Variants in ATP2B4 observed in about 807,000 individuals in gnomAD.
The protein encoded by ATP2B4 is plasma membrane calcium-transporting ATPase 4.
A neutral mutation model predicts 110.3 loss-of-function variants in ATP2B4; 39 were observed. The ratio of observed to expected loss-of-function variants is 0.35; its 90% CI spans 0.27 to 0.46. ATP2B4 has a LOEUF of 0.46. Ranked by LOEUF, ATP2B4 falls within the 20% of genes least tolerant of loss-of-function variation. ATP2B4 has a pLI of 1.00. For missense variants in ATP2B4, 1,135 were observed against 1,530.9 expected, an observed-to-expected ratio of 0.74 and a Z score of 4.32; for synonymous variants, 538 against 571.7, an observed-to-expected ratio of 0.94 and a Z score of 0.84.
At chr1:203,644,881 G>A (rs1663746325) in intron 1 of ATP2B4, among the ~76,000 whole-genome samples, 1 of 152,162 alleles carries the variant, frequency 6.6e-6, no homozygotes, top group Non-Finnish European at 1.5e-5. Flanking sequence ...AGCTTGTGCG[G>A]CTCCCTGCAG....
chr1:203,714,079 G>A lies in ATP2B4; in HGVS notation c.2300-92G>A, dbSNP rs917607222. Reference sequence around the variant, plus strand: ...AACTTCTAGGAAAGGGAAAAGGGAAGGAAAGAAGAAAGTAGAAGGAGTGGC... The same window carrying A: ...AACTTCTAGGAAAGGGAAAAGGGAAAGAAAGAAGAAAGTAGAAGGAGTGGC... On this transcript the variant is annotated intron_variant, in intron 14 of 20. Coordinates refer to ENST00000357681, the MANE Select transcript of ATP2B4 (RefSeq NM_001684.5). 4.0e-6 allele frequency: 5 copies of A among 1,247,794 alleles called. No homozygotes were observed. The African/African-American group carries it at 7.4e-5, about 18-fold the overall frequency. The allele number at this position is 1,247,794 out of a possible 1,614,324, so 77.3% of individuals were successfully genotyped here.
In ATP2B4 at chr1:203,740,099, A is replaced by T; in HGVS notation, c.*245A>T. 2.2e-6 allele frequency: 1 copy of T among 464,892 alleles called. No individual in the cohort carries two copies. The highest frequency in any genetic ancestry group is 3.8e-6 in the Non-Finnish European group (1 of 263,148). The allele number at this position is 464,892 out of a possible 1,614,324, so 28.8% of individuals were successfully genotyped here. A position where few individuals can be genotyped will look rare whatever the true frequency, so the allele number is the denominator to read the frequency against. On this transcript the variant is annotated 3_prime_UTR_variant, in exon 21 of 21. Coordinates refer to ENST00000357681, the MANE Select transcript of ATP2B4 (RefSeq NM_001684.5). The stretch of plus-strand genomic sequence containing the variant: ...CCCCATTCAGGTCATGGTAGAATCT[A>T]CTCCTTGGTAGTCACTTGTCATTTT...
intron 20 of ATP2B4, chr1:203,733,526 G>A: frequency 9.8e-7 from 1 of 1,017,736 alleles, no homozygotes; most frequent in Non-Finnish European, 1.4e-6. Flanking sequence ...TTGACTTAAG[G>A]GAAGAAAAAG....
At chr1:203,638,225 C>G (rs904610433) in intron 1 of ATP2B4, among the ~76,000 whole-genome samples, 20 of 152,172 alleles carry the variant, frequency 1.3e-4, no homozygotes, top group African/African-American at 4.3e-4. Flanking sequence ...GGGAGGCTGT[C>G]TGATCCCACT....
intron 1 of ATP2B4, among the ~76,000 whole-genome samples, chr1:203,644,336 G>A (rs1274190920): frequency 6.6e-6 from 1 of 151,396 alleles, no homozygotes; most frequent in Non-Finnish European, 1.5e-5. Context: ...ACAGACCACA[G>A]TGAACTTTAC....
rs182552232 is a variant in ATP2B4, at chr1:203,707,772, G to C, written c.1315-90G>C. 4 of 1,524,136 alleles carry C rather than the reference G, an allele frequency of 2.6e-6. No homozygotes were observed. In the East Asian group the frequency reaches 6.8e-5, roughly 26 times the overall value. 94.4% of individuals were successfully genotyped at this position (1,524,136 alleles called of 1,614,324 possible). On this transcript the variant is annotated intron_variant, in intron 9 of 20. Transcript: ENST00000357681. ...GTGTGGGACTGGAAGATGAAATGTG[G>C]AGAGATGTTGGCTAGGAAATGGCCT...
intron 1 of ATP2B4, among the ~76,000 whole-genome samples, chr1:203,680,750 C>T (rs12035565): frequency 0.83 from 126,673 of 152,136 alleles, 53,567 homozygotes; most frequent in East Asian, 1. Flanking sequence ...TAGGGTGGTG[C>T]GAAAAGACAG....
At chr1:203,648,439 TC>T (rs1663875183) in intron 1 of ATP2B4, among the ~76,000 whole-genome samples, 1 of 152,088 alleles carries the variant, frequency 6.6e-6, no homozygotes, top group South Asian at 2.1e-4. Context: ...GATGGGAAAG[TC>T]CCTGTGCTTG....
At chr1:203,729,658 TG>T in intron 20 of ATP2B4, 1 of 1,169,140 alleles carries the variant, frequency 8.6e-7, no homozygotes, top group Non-Finnish European at 1.2e-6. Flanking sequence ...CAGGGTGCTG[TG>T]GCTGCCTCAC....
intron 1 of ATP2B4, among the ~76,000 whole-genome samples, chr1:203,650,768 C>G (rs928695424): frequency 2.0e-5 from 3 of 152,250 alleles, no homozygotes; most frequent in Non-Finnish European, 4.4e-5. Flanking sequence ...TTCCAGGCCT[C>G]CTGTCCCTAG....
chr1:203,683,134 C>T lies in ATP2B4; in HGVS notation c.-72C>T. 1 of 1,513,404 alleles carries T rather than the reference C, an allele frequency of 6.6e-7. No homozygotes were observed. Among genetic ancestry groups the T allele is most frequent in the African/African-American group, 1.4e-5 (1 of 72,668 alleles). The allele number at this position is 1,513,404 out of a possible 1,614,324, so 93.7% of individuals were successfully genotyped here. On this transcript the variant is annotated 5_prime_UTR_variant, in exon 2 of 21. Coordinates refer to ENST00000357681, the MANE Select transcript of ATP2B4 (RefSeq NM_001684.5). ...GTAGGAAGAAGTTGAGACAGGGAGG[C>T]AGGAGACACTGGTCAGTTGAAGGGA...
intron 1 of ATP2B4, among the ~76,000 whole-genome samples, chr1:203,674,693 G>A (rs1287667715): frequency 8.4e-6 from 1 of 119,360 alleles, no homozygotes; most frequent in African/African-American, 3.4e-5. Context: ...GTCTCACTGT[G>A]TCTCCCAGGC....
intron 17 of ATP2B4, among the ~76,000 whole-genome samples, chr1:203,721,882 C>T (rs190099373): frequency 0.011 from 1,703 of 151,766 alleles, 42 homozygotes; most frequent in African/African-American, 0.038. Context: ...AGGCTGGGCT[C>T]GATCTCCTGA....
intron 6 of ATP2B4, 55 bp from the exon 7 acceptor site, chr1:203,701,989 C>G (rs925684275): frequency 6.2e-7 from 1 of 1,601,630 alleles, no homozygotes; most frequent in Admixed American, 1.7e-5. Context: ...CAAATTGGAT[C>G]TCTTAATAGT....
intron 14 of ATP2B4, among the ~76,000 whole-genome samples, chr1:203,713,581 C>T (rs374550016): frequency 4.0e-4 from 61 of 152,258 alleles, no homozygotes; most frequent in African/African-American, 1.4e-3. Context: ...TCTCCTGCCT[C>T]AGCCTCCCGA....
chr1:203,699,859 A>G, intron 4 of ATP2B4, 142 bp downstream of exon 4: 1 of 1,418,034 alleles, frequency 7.1e-7, no homozygotes, highest in Non-Finnish European at 9.5e-7. Flanking sequence ...TTAGAGTTTA[A>G]AGAGGTTGTG....
intron 1 of ATP2B4, among the ~76,000 whole-genome samples, chr1:203,636,350 C>T (rs919219075): frequency 2.0e-5 from 3 of 152,150 alleles, no homozygotes; most frequent in Non-Finnish European, 2.9e-5. Flanking sequence ...CCATCCTGAT[C>T]GTCGCTCTGG....
rs1663212870 is a variant in ATP2B4, at chr1:203,629,940, G to A, written c.-465+2721G>A. 6.6e-6 allele frequency among the ~76,000 whole-genome samples: 1 copy of A among 152,114 alleles called. No individual in the cohort carries two copies. On this transcript the variant is annotated intron_variant, in intron 1 of 20. Transcript: ENST00000357681. This position sits in a 1 kb window ranked among gnomAD's most constrained non-coding sequence, Gnocchi z 4.6. ...TTGGGGGCCTTGGAATCAGCCTGAC[G>A]CCAGCGAGTTCCTAACCCGCCGTCT... is the stretch of plus-strand genomic sequence containing the variant.
chr1:203,676,176 C>A (rs986489222), intron 1 of ATP2B4, among the ~76,000 whole-genome samples: 1 of 152,200 alleles, frequency 6.6e-6, no homozygotes, highest in Non-Finnish European at 1.5e-5. Flanking sequence ...TTAGCCAACA[C>A]CTGCTGCCTC....
Sources: gnomAD v4.1 joint callset for allele counts (sites outside exome capture counted in the v4.1 genomes callset) on GRCh38, gnomAD v4.1.1 for gene constraint, Gnocchi (gnomAD v3.1) non-coding constraint, MANE v1.5 for transcripts, NCBI Gene and HGNC (gene_info 2026-07-23, HGNC 2026-07-21) for gene names.